Variants in SEC14L5 observed in about 807,000 individuals in gnomAD.
SEC14L5 encodes SEC14 like lipid binding 5.
A neutral mutation model predicts 84.6 loss-of-function variants in SEC14L5; 96 were observed. The observed-to-expected ratio is 1.13, with a 90% CI of 0.96 to 1.34. The LOEUF (loss-of-function observed/expected upper bound fraction) is 1.34, where lower values mean the gene tolerates loss of function less well. Among genes scored for constraint, SEC14L5 ranks in the 40% most tolerant of loss-of-function variants. The pLI is 0.00. For missense variants in SEC14L5, 1,224 were observed against 942.5 expected, an observed-to-expected ratio of 1.30 and a Z score of -3.91; for synonymous variants, 546 against 383.4, an observed-to-expected ratio of 1.42 and a Z score of -4.95.
At chr16:4,987,411 T>A in intron 2 of SEC14L5, 146 bp from the exon 3 acceptor site, 1 of 613,212 alleles carries the variant, frequency 1.6e-6, no homozygotes, top group African/African-American at 2.0e-5. Context: ...CGATTGTTGG[T>A]AATGACGGCA....
rs533435417 is a variant in SEC14L5, at chr16:5,003,875, C to T, written c.1302+302C>T. Reference sequence around the variant, plus strand: ...TCCTGGGCTCAAGCGGTCCTCTTGCCTTGGCTTCCCAAAGTGTTTGTGTTA... The same window carrying T: ...TCCTGGGCTCAAGCGGTCCTCTTGCTTTGGCTTCCCAAAGTGTTTGTGTTA... On this transcript the variant is annotated intron_variant, in intron 11 of 15. Transcript: ENST00000251170. Among the ~76,000 whole-genome samples the T allele has an allele frequency of 4.6e-5, 7 of 152,368 alleles. No homozygotes were observed. The East Asian group carries it at 9.6e-4, about 21-fold the overall frequency.
At chr16:4,995,265 G>T (rs1427538095) in intron 6 of SEC14L5, among the ~76,000 whole-genome samples, 1 of 152,194 alleles carries the variant, frequency 6.6e-6, no homozygotes, top group Non-Finnish European at 1.5e-5. Context: ...GCCTCTGCAC[G>T]CCAGCATCTG....
At chr16:4,971,731 T>G (rs1235603429) in intron 2 of SEC14L5, among the ~76,000 whole-genome samples, 1 of 152,194 alleles carries the variant, frequency 6.6e-6, no homozygotes, top group Non-Finnish European at 1.5e-5. Context: ...CCGGTACTTA[T>G]GTGACTTAAT....
At chr16:5,010,080 T>G (rs1413159304) in intron 14 of SEC14L5, among the ~76,000 whole-genome samples, 2 of 149,606 alleles carry the variant, frequency 1.3e-5, no homozygotes, top group Non-Finnish European at 2.9e-5. Context: ...CGGTGGCTCA[T>G]GCCTATAATC....
At chr16:5,014,132 G>C (rs1230136235) in intron 15 of SEC14L5, among the ~76,000 whole-genome samples, 3 of 152,232 alleles carry the variant, frequency 2.0e-5, no homozygotes, top group African/African-American at 7.2e-5. Flanking sequence ...TTAGCAAGGA[G>C]AATGAAATAA....
chr16:4,982,211 C>T (rs946402309), intron 2 of SEC14L5, among the ~76,000 whole-genome samples: 1 of 152,048 alleles, frequency 6.6e-6, no homozygotes, highest in Non-Finnish European at 1.5e-5. Flanking sequence ...TTCCTCGGCC[C>T]CCCCCTCCCC....
intron 2 of SEC14L5, among the ~76,000 whole-genome samples, chr16:4,964,110 G>A (rs963891705): frequency 6.6e-5 from 10 of 152,186 alleles, no homozygotes; most frequent in Admixed American, 3.3e-4. Flanking sequence ...TGTTGGAGAG[G>A]GTCCGTCAGT....
Position 5,018,914 on chromosome 16 carries a change from T to G in SEC14L5, c.*3944T>G, listed in dbSNP as rs1039985301. 2 of 152,218 alleles carry G rather than the reference T, an allele frequency of 1.3e-5. No individual in the cohort carries two copies. The highest frequency in any genetic ancestry group is 4.8e-5 in the African/African-American group (2 of 41,460). The allele number at this position is 152,218 out of a possible 1,614,324, so 9.4% of individuals were successfully genotyped here. ...TTTGAGCCAGTGAAACACGATGGGT[T>G]TTTTTGTTTGCCTGATCACTTGCTC... On this transcript the variant is annotated 3_prime_UTR_variant, in exon 16 of 16. Coordinates refer to ENST00000251170, the MANE Select transcript of SEC14L5 (RefSeq NM_014692.2).
At chr16:4,986,841 A>G (rs901887477) in intron 2 of SEC14L5, among the ~76,000 whole-genome samples, 1 of 152,216 alleles carries the variant, frequency 6.6e-6, no homozygotes, top group African/African-American at 2.4e-5. Flanking sequence ...TTGTTAGTAC[A>G]TAGAAATACA....
intron 2 of SEC14L5, among the ~76,000 whole-genome samples, chr16:4,975,934 T>C (rs887952009): frequency 6.6e-6 from 1 of 152,214 alleles, no homozygotes; most frequent in African/African-American, 2.4e-5. Context: ...TTGGATATTC[T>C]TTCTGCATTC....
chr16:5,003,199 C>T (rs747993412), intron 10 of SEC14L5, among the ~76,000 whole-genome samples: 33 of 152,238 alleles, frequency 2.2e-4, no homozygotes, highest in Admixed American at 1.4e-3. Flanking sequence ...CTCAGGGGTG[C>T]AGGTGAGACT....
intron 2 of SEC14L5, 38 bp from the exon 3 acceptor site, chr16:4,987,519 C>T (rs1469934589): frequency 2.7e-6 from 4 of 1,485,212 alleles, no homozygotes; most frequent in African/African-American, 1.5e-5. Flanking sequence ...TCCCTCTGCC[C>T]CCCCCACCAC....
intron 2 of SEC14L5, among the ~76,000 whole-genome samples, chr16:4,982,655 C>T (rs1398555228): frequency 6.6e-6 from 1 of 152,216 alleles, no homozygotes; most frequent in South Asian, 2.1e-4. Flanking sequence ...ACCTCCTGTG[C>T]TCGTGGCCAA....
At chr16:4,964,252 G>T (rs1463767313) in intron 2 of SEC14L5, among the ~76,000 whole-genome samples, 1 of 152,138 alleles carries the variant, frequency 6.6e-6, no homozygotes, top group Non-Finnish European at 1.5e-5. Flanking sequence ...CCAGTCCATT[G>T]TGAGTCGAGT....
chr16:4,961,206 G>A (rs1955116908), intron 2 of SEC14L5, among the ~76,000 whole-genome samples: 1 of 152,190 alleles, frequency 6.6e-6, no homozygotes, highest in Admixed American at 6.5e-5. Flanking sequence ...CCAGGAGGCA[G>A]ACGTTGCAGA....
At chr16:4,964,095 T>C (rs891715250) in intron 2 of SEC14L5, among the ~76,000 whole-genome samples, 10 of 152,286 alleles carry the variant, frequency 6.6e-5, no homozygotes, top group Admixed American at 1.3e-4. Context: ...AGCTGGAGTA[T>C]CCAGTGTTGG....
chr16:4,994,607 G>A (rs947165093), intron 6 of SEC14L5, among the ~76,000 whole-genome samples: 2 of 152,116 alleles, frequency 1.3e-5, no homozygotes, highest in Non-Finnish European at 2.9e-5. Context: ...GTCTCCCAAA[G>A]TGCTGAAATT....
intron 2 of SEC14L5, among the ~76,000 whole-genome samples, chr16:4,979,220 G>A (rs897963307): frequency 3.9e-5 from 6 of 152,174 alleles, no homozygotes; most frequent in African/African-American, 1.2e-4. Flanking sequence ...CCAGGCTTCC[G>A]TCCTGTGTGG....
intron 14 of SEC14L5, 79 bp downstream of exon 14, chr16:5,008,727 G>A: frequency 6.2e-6 from 8 of 1,292,862 alleles, no homozygotes; most frequent in Non-Finnish European, 8.8e-6. Flanking sequence ...TGGGGATACA[G>A]CGGAGGACAT....
Sources: allele counts gnomAD v4.1 joint callset (sites outside exome capture counted in the v4.1 genomes callset), GRCh38; gene constraint gnomAD v4.1.1; transcripts MANE v1.5; gene names NCBI Gene and HGNC (gene_info 2026-07-23, HGNC 2026-07-21).